TOX2: variants seen among roughly 807,000 people sequenced by gnomAD.
TOX2 encodes granulosa cell HMG box 1.
In TOX2, 15 loss-of-function variants were observed where a neutral mutation model predicts 47.4. The observed-to-expected ratio is 0.32, with a 90% CI of 0.21 to 0.49. The LOEUF is 0.49. TOX2 is among the 20% of genes least tolerant of loss of function. The pLI is 0.99. For missense variants in TOX2, 622 were observed against 673.1 expected, an observed-to-expected ratio of 0.92 and a Z score of 0.84; for synonymous variants, 290 against 296.6, an observed-to-expected ratio of 0.98 and a Z score of 0.23.
At chr20:43,940,543 G>A (rs1451171371) in intron 1 of TOX2, among the ~76,000 whole-genome samples, 1 of 148,670 alleles carries the variant, frequency 6.7e-6, no homozygotes, top group African/African-American at 2.5e-5. Context: ...TTTTCCCCCA[G>A]GAAAACTCTA....
intron 3 of TOX2, among the ~76,000 whole-genome samples, chr20:44,028,893 A>G (rs935920195): frequency 3.9e-5 from 6 of 152,198 alleles, no homozygotes; most frequent in African/African-American, 1.4e-4. Flanking sequence ...TCTCCTGTCC[A>G]TGACATCTGC....
chr20:43,964,280 C>T lies in TOX2; in HGVS notation c.100-9087C>T, dbSNP rs577737110. On this transcript the variant is annotated intron_variant, in intron 1 of 8. Coordinates refer to ENST00000341197, the MANE Select transcript of TOX2 (RefSeq NM_001098797.2). ...AGGCTTCCCAGGCCGTGCTCTATTC[C>T]TGTTCCTCTTCCATCTGTGCCGGGC... Among the ~76,000 whole-genome samples the T allele has an allele frequency of 1.6e-3, 243 of 152,304 alleles. 8 individuals are homozygous for T. The highest frequency in any genetic ancestry group is 0.016 in the Admixed American group (242 of 15,302).
chr20:43,977,227 C>T (rs533497391), intron 2 of TOX2, among the ~76,000 whole-genome samples: 13 of 152,278 alleles, frequency 8.5e-5, no homozygotes, highest in East Asian at 1.9e-4. Context: ...CTCAGCCTCC[C>T]GAGTAGCTGG....
At position 43,915,360 on chromosome 20, in the gene TOX2, A is replaced by G. The variant is rs2069044046; in HGVS notation, c.99+370A>G. Among the ~76,000 whole-genome samples, 1 of 152,018 alleles carries G rather than the reference A, an allele frequency of 6.6e-6. No homozygotes were observed. The highest frequency in any genetic ancestry group is 1.5e-5 in the Non-Finnish European group (1 of 67,996). On this transcript the variant is annotated intron_variant, in intron 1 of 8. Transcript: ENST00000341197. The surrounding 1 kb of genome is among the most constrained non-coding windows in gnomAD (Gnocchi z 7.1). ...AGTCACTTATACACAACGACACGCA[A>G]CCACTCACCCGCAAACAGCCTCACC... is the stretch of plus-strand genomic sequence containing the variant.
chr20:44,062,400 A>G lies in TOX2; in HGVS notation c.880-2377A>G, dbSNP rs111605120. On this transcript the variant is annotated intron_variant, in intron 5 of 8. Coordinates refer to ENST00000341197, the MANE Select transcript of TOX2 (RefSeq NM_001098797.2). Reference sequence around the variant, plus strand: ...TAAATAAATAAATAAATAAATAAATAAATAAATGAATAAATAAAATACTTA... The same window carrying G: ...TAAATAAATAAATAAATAAATAAATGAATAAATGAATAAATAAAATACTTA... Among the ~76,000 whole-genome samples, 642 of 136,816 alleles carry G rather than the reference A, an allele frequency of 4.7e-3. 7 individuals are homozygous for G. The highest frequency in any genetic ancestry group is 0.018 in the African/African-American group (599 of 32,754). The allele number at this position is 136,816 out of a possible 152,430, so 89.8% of individuals were successfully genotyped here.
At position 44,065,956 on chromosome 20, in the gene TOX2, T is replaced by C. The variant is rs1366394311; in HGVS notation, c.1205T>C (p.Leu402Pro). 6.2e-7 allele frequency: 1 copy of C among 1,613,244 alleles called. No individual in the cohort carries two copies. The highest frequency in any genetic ancestry group is 1.7e-5 in the Admixed American group (1 of 59,998). The change falls in exon 7 of 9, where the codon CTG (leucine) becomes CCG (proline). Residue 402 changes from leucine (L) to proline (P), a missense_variant. By Grantham distance (98) the Leu-to-Pro change is moderately conservative (BLOSUM62 -3). Coordinates refer to ENST00000341197, the MANE Select transcript of TOX2 (RefSeq NM_001098797.2). ...CCCTCCTTCCCGCTCAGCCCCACACTGCACCAGCAGCTGTCACTGCCCCCT... is the reference window on the plus strand; with the variant it reads ...CCCTCCTTCCCGCTCAGCCCCACACCGCACCAGCAGCTGTCACTGCCCCCT... ...PPPSFPLSPT[L>P]HQQLSLPPHA...
intron 3 of TOX2, among the ~76,000 whole-genome samples, chr20:44,047,492 C>CTGGTTCTT (rs1555845865): frequency 2.8e-3 from 1 of 356 alleles, no homozygotes; most frequent in Admixed American, 0.05. Flanking sequence ...TTTTTAACAT[C>CTGGTTCTT]TGCACTAAGA....
chr20:43,937,171 C>A (rs536888403), intron 1 of TOX2, among the ~76,000 whole-genome samples: 39 of 152,278 alleles, frequency 2.6e-4, no homozygotes, highest in African/African-American at 9.1e-4. Flanking sequence ...ACGGGGGAAG[C>A]ATTCCAGGCA....
At chr20:44,020,231 G>A (rs985675894) in intron 3 of TOX2, among the ~76,000 whole-genome samples, 4 of 152,196 alleles carry the variant, frequency 2.6e-5, no homozygotes, top group Admixed American at 1.3e-4. Flanking sequence ...TTGTTCCCCA[G>A]TGTGAACTGT....
intron 3 of TOX2, among the ~76,000 whole-genome samples, chr20:44,031,909 C>T (rs2903669): frequency 0.89 from 136,044 of 152,196 alleles, 61,010 homozygotes; most frequent in African/African-American, 0.97. Flanking sequence ...ATACCAGCAA[C>T]ACATCAGTGA....
rs143497872 is a variant in TOX2, at chr20:44,048,958, G to A, written c.412-2348G>A. On this transcript the variant is annotated intron_variant, in intron 3 of 8. Transcript: ENST00000341197. ...TTGAGACAAGCCTGGCCAATATGGC[G>A]AAACCCCGTCTCGCTCTACTAAAAA... 5.1e-3 allele frequency among the ~76,000 whole-genome samples: 771 copies of A among 152,276 alleles called. 3 individuals carry two copies. The highest frequency in any genetic ancestry group is 9.3e-3 in the Non-Finnish European group (631 of 68,022).
intron 1 of TOX2, among the ~76,000 whole-genome samples, chr20:43,926,848 G>A (rs2069174628): frequency 1.3e-5 from 2 of 152,236 alleles, no homozygotes; most frequent in African/African-American, 4.8e-5. Context: ...CAAGGCACGT[G>A]AGCTGTTCTC....
At chr20:43,922,488 C>A (rs2069122505) in intron 1 of TOX2, among the ~76,000 whole-genome samples, 7 of 152,154 alleles carry the variant, frequency 4.6e-5, no homozygotes, top group Admixed American at 4.6e-4. Context: ...GGGCTTCAGT[C>A]CACTGTCTCC....
At chr20:43,952,922 G>C (rs1351679551) in intron 1 of TOX2, among the ~76,000 whole-genome samples, 3 of 152,068 alleles carry the variant, frequency 2.0e-5, no homozygotes, top group African/African-American at 4.8e-5. Flanking sequence ...TGTGATTAAG[G>C]GTCTTGGGAT....
intron 3 of TOX2, among the ~76,000 whole-genome samples, chr20:44,043,257 A>C (rs917280736): frequency 1.3e-5 from 2 of 152,082 alleles, no homozygotes; most frequent in Non-Finnish European, 2.9e-5. Flanking sequence ...ACTTCCCAGA[A>C]CTCATCACAT....
chr20:43,918,818 T>G (rs1381654242), intron 1 of TOX2, among the ~76,000 whole-genome samples: 1 of 152,208 alleles, frequency 6.6e-6, no homozygotes, highest in East Asian at 1.9e-4. Context: ...CAAGTCTTTT[T>G]GTGGGCGGGG....
intron 2 of TOX2, among the ~76,000 whole-genome samples, chr20:43,995,494 A>T (rs1174460808): frequency 2.6e-5 from 4 of 152,226 alleles, no homozygotes; most frequent in Non-Finnish European, 4.4e-5. Flanking sequence ...ATCGCACTAC[A>T]GTCTTTTAGC....
intron 3 of TOX2, among the ~76,000 whole-genome samples, chr20:44,047,488 A>AAATATAAGAG (rs2071428222): frequency 0.089 from 607 of 6,824 alleles, 288 homozygotes; most frequent in Middle Eastern, 0.25. Flanking sequence ...AATTTTTTTA[A>AAATATAAGAG]CATCTGCACT....
intron 1 of TOX2, among the ~76,000 whole-genome samples, chr20:43,953,650 C>T (rs529836330): frequency 2.0e-5 from 3 of 152,074 alleles, no homozygotes; most frequent in South Asian, 2.1e-4. Context: ...GCTCAGTTGG[C>T]GGGAGAGTAG....
Sources: allele counts gnomAD v4.1 joint callset (sites outside exome capture counted in the v4.1 genomes callset), GRCh38; gene constraint gnomAD v4.1.1; non-coding constraint Gnocchi (gnomAD v3.1); transcripts MANE v1.5; gene names NCBI Gene and HGNC (gene_info 2026-07-23, HGNC 2026-07-21).